Variants in PLCG2 observed in about 807,000 individuals in gnomAD.
The protein encoded by PLCG2 is 1-phosphatidylinositol 4,5-bisphosphate phosphodiesterase gamma-2.
Under a neutral mutation model 175.6 loss-of-function variants are expected in PLCG2, and 69 were observed. The observed-to-expected ratio is 0.39, with a 90% CI of 0.32 to 0.48. PLCG2 has a LOEUF of 0.48. Among genes scored for constraint, PLCG2 ranks in the 20% least tolerant of loss-of-function variants. The pLI is 0.91. For synonymous variants in PLCG2, 827 were observed against 624.0 expected, an observed-to-expected ratio of 1.33 and a Z score of -4.85; for missense variants, 1,798 against 1,650.9, an observed-to-expected ratio of 1.09 and a Z score of -1.54.
At chr16:81,740,750 A>AC (rs1555560250) in intron 1 of PLCG2, among the ~76,000 whole-genome samples, 1 of 145,084 alleles carries the variant, frequency 6.9e-6, no homozygotes, top group African/African-American at 2.5e-5. Context: ...AAAAAAAAAA[A>AC]AAAAAAAAAA....
At chr16:81,858,813 A>G (rs1906817116) in intron 4 of PLCG2, among the ~76,000 whole-genome samples, 1 of 151,904 alleles carries the variant, frequency 6.6e-6, no homozygotes, top group African/African-American at 2.4e-5. Flanking sequence ...TTTTCCTTCC[A>G]CTAAATCAAA....
chr16:81,778,016 CAAA>C (rs753644088), upstream of PLCG2, among the ~76,000 whole-genome samples: 31 of 49,080 alleles, frequency 6.3e-4, no homozygotes, highest in African/African-American at 1.8e-3. Flanking sequence ...GACTTTGTCT[CAAA>C]AAAAAAAAAA....
At chr16:81,798,622 G>C (rs1002844095) in intron 2 of PLCG2, 1 of 152,454 alleles carries the variant, frequency 6.6e-6, no homozygotes, top group Admixed American at 6.5e-5. Flanking sequence ...TACAAGTTGT[G>C]CTGGAGGCCA....
At chr16:81,871,675 A>G (rs1448755734) in intron 7 of PLCG2, among the ~76,000 whole-genome samples, 2 of 152,044 alleles carry the variant, frequency 1.3e-5, no homozygotes. Context: ...ATGAGGGCAT[A>G]TTTTTTGATT....
Position 81,821,982 on chromosome 16 carries a change from C to G in PLCG2, c.194-32462C>G, listed in dbSNP as rs186070950. ...ATTTTGGGCAAATTCCTTAACTTCG[C>G]TGAGCCTTCTCTTTTCCTGTGTTAA... On this transcript the variant is annotated intron_variant, in intron 2 of 32. Coordinates refer to ENST00000564138, the MANE Select transcript of PLCG2 (RefSeq NM_002661.5). Among the ~76,000 whole-genome samples the G allele has an allele frequency of 1.3e-3, 203 of 152,252 alleles. 1 individual carries two copies. Among genetic ancestry groups the G allele is most frequent in the Non-Finnish European group, 2.5e-3 (171 of 68,000 alleles).
Position 81,866,775 on chromosome 16 carries a change from C to T in PLCG2, c.480-2439C>T, listed in dbSNP as rs116172443. Among the ~76,000 whole-genome samples the T allele has an allele frequency of 3.8e-3, 575 of 152,350 alleles. 6 individuals are homozygous for T. Among genetic ancestry groups the T allele is most frequent in the African/African-American group, 0.013 (559 of 41,576 alleles). On this transcript the variant is annotated intron_variant, in intron 5 of 32. Coordinates refer to ENST00000564138, the MANE Select transcript of PLCG2 (RefSeq NM_002661.5). Reference sequence around the variant, plus strand: ...GCTCCCAGGATGGGCTCCACTGGGGCACCAGCATGATCTGGCTCCTCTCCC... The same window carrying T: ...GCTCCCAGGATGGGCTCCACTGGGGTACCAGCATGATCTGGCTCCTCTCCC...
chr16:81,826,854 A>G (rs1172324211), intron 2 of PLCG2, among the ~76,000 whole-genome samples: 3 of 152,114 alleles, frequency 2.0e-5, no homozygotes, highest in Non-Finnish European at 4.4e-5. Context: ...ATTTTGAGTA[A>G]TTGCTGGGTT....
At chr16:81,936,076 T>A in intron 26 of PLCG2, 93 bp from the exon 27 acceptor site, 1 of 1,525,608 alleles carries the variant, frequency 6.6e-7, no homozygotes, top group South Asian at 1.2e-5. Flanking sequence ...CTGGTTTCCT[T>A]TTATAATCTG....
At chr16:81,795,257 T>A (rs1337733858) in intron 2 of PLCG2, among the ~76,000 whole-genome samples, 1 of 152,084 alleles carries the variant, frequency 6.6e-6, no homozygotes, top group Non-Finnish European at 1.5e-5. Flanking sequence ...GGTACTGTAA[T>A]AAGGAGTCAT....
In PLCG2 at chr16:81,910,603, C is replaced by T; in HGVS notation, c.1817C>T (p.Thr606Ile). ...AAATACTACTTGACTGACAACCTCACCTTCAGCAGCATCTATGCCCTCATC... is the reference window on the plus strand; with the variant it reads ...AAATACTACTTGACTGACAACCTCATCTTCAGCAGCATCTATGCCCTCATC... ...TLKYYLTDNL[T>I]FSSIYALIQH... Residue 606 changes from threonine (T) to isoleucine (I), a missense_variant, in exon 18 of 33, where the codon ACC becomes ATC. By Grantham distance (89) the Thr-to-Ile change is moderately conservative. Coordinates refer to ENST00000564138, the MANE Select transcript of PLCG2 (RefSeq NM_002661.5). The T allele has an allele frequency of 1.2e-6, 2 of 1,614,150 alleles. No homozygotes were observed. The highest frequency in any genetic ancestry group is 8.5e-7 in the Non-Finnish European group (1 of 1,179,992).
intron 5 of PLCG2, among the ~76,000 whole-genome samples, chr16:81,860,172 A>ATTATTTTTT (rs763047744): frequency 7.5e-5 from 9 of 120,612 alleles, no homozygotes; most frequent in African/African-American, 2.2e-4. Flanking sequence ...TATTATTATT[A>ATTATTTTTT]TTTTTTTTTT....
intron 2 of PLCG2, among the ~76,000 whole-genome samples, chr16:81,786,576 C>G (rs1045461415): frequency 6.6e-6 from 1 of 152,168 alleles, no homozygotes; most frequent in Non-Finnish European, 1.5e-5. Flanking sequence ...TCGCCAAATG[C>G]TACCTTGTTT....
intron 2 of PLCG2, among the ~76,000 whole-genome samples, chr16:81,832,281 G>T (rs546201988): frequency 1.3e-5 from 2 of 152,186 alleles, no homozygotes; most frequent in Admixed American, 1.3e-4. Flanking sequence ...CCTGGGCTCC[G>T]CTCCACATGG....
At chr16:81,773,588 G>C (rs140608758) in intron 2 of PLCG2, among the ~76,000 whole-genome samples, 1 of 152,278 alleles carries the variant, frequency 6.6e-6, no homozygotes, top group East Asian at 1.9e-4. Flanking sequence ...TTTTACATGA[G>C]GTTTGGGGCC....
At chr16:81,856,696 C>G (rs956758944) in intron 3 of PLCG2, among the ~76,000 whole-genome samples, 3 of 152,192 alleles carry the variant, frequency 2.0e-5, no homozygotes, top group Non-Finnish European at 4.4e-5. Flanking sequence ...CCATGGGAAG[C>G]TGAATACTGC....
chr16:81,836,676 G>A (rs1427679025), intron 2 of PLCG2, among the ~76,000 whole-genome samples: 1 of 152,178 alleles, frequency 6.6e-6, no homozygotes, highest in African/African-American at 2.4e-5. Context: ...AGGAGGCTGA[G>A]GTGCAGTGAG....
chr16:81,950,799 T>C (rs1013541820), intron 31 of PLCG2, among the ~76,000 whole-genome samples: 8 of 152,344 alleles, frequency 5.3e-5, no homozygotes, highest in African/African-American at 1.9e-4. Flanking sequence ...TAGTTACATT[T>C]AGAAGAGGAA....
In PLCG2 at chr16:81,854,590, A is replaced by T; in HGVS notation, c.337+3A>T. The stretch of plus-strand genomic sequence containing the variant: ...CCTCAGCACGCTCAGCTTGGCAGGT[A>T]GGTGCATGTTTCTGTGCCTTTCTCC... On this transcript the variant is annotated splice_donor_region_variant and intron_variant, in intron 3 of 32. Transcript: ENST00000564138. The T allele has an allele frequency of 6.2e-7, 1 of 1,613,444 alleles. No homozygotes were observed. The highest frequency in any genetic ancestry group is 8.5e-7 in the Non-Finnish European group (1 of 1,179,402).
At chr16:81,926,805 G>A (rs1216328356) in intron 22 of PLCG2, among the ~76,000 whole-genome samples, 1 of 152,190 alleles carries the variant, frequency 6.6e-6, no homozygotes, top group South Asian at 2.1e-4. Flanking sequence ...TGACTTCCAC[G>A]TAAAGCATGG....
Sources: gnomAD v4.1 joint callset for allele counts (sites outside exome capture counted in the v4.1 genomes callset) on GRCh38, gnomAD v4.1.1 for gene constraint, MANE v1.5 for transcripts, NCBI Gene and HGNC (gene_info 2026-07-23, HGNC 2026-07-21) for gene names.